Variants in BRD4 observed in about 807,000 individuals in gnomAD.
BRD4 encodes bromodomain containing 4.
In BRD4, 16 loss-of-function variants were observed where a neutral mutation model predicts 142.1. The ratio of observed to expected loss-of-function variants is 0.11; its 90% confidence interval spans 0.08 to 0.17. The LOEUF (loss-of-function observed/expected upper bound fraction) is 0.17, where lower values mean the gene tolerates loss of function less well. Among genes scored for constraint, BRD4 ranks in the 10% least tolerant of loss-of-function variants. The probability of loss-of-function intolerance (pLI) is 1.00; values close to 1 mark genes in which losing one functional copy is unlikely to be tolerated. For missense variants in BRD4, 1,424 were observed against 1,810.9 expected (o/e 0.79, Z 3.88); for synonymous variants, 833 against 707.5 (o/e 1.18, Z -2.82).
chr19:15,310,112 G>C (rs1040620348), intron 1 of BRD4, among the ~76,000 whole-genome samples: 1 of 151,648 alleles, frequency 6.6e-6, no homozygotes, highest in African/African-American at 2.4e-5. Context: ...ACTTGCTGTG[G>C]AAATCATTGT....
At chr19:15,275,291 C>T (rs939857316) in intron 1 of BRD4, among the ~76,000 whole-genome samples, 3 of 152,238 alleles carry the variant, frequency 2.0e-5, no homozygotes, top group Non-Finnish European at 2.9e-5. Context: ...AGCCAGCTCA[C>T]AAGTGATGCA....
At chr19:15,326,228 C>T (rs541174774) in intron 1 of BRD4, among the ~76,000 whole-genome samples, 3 of 150,074 alleles carry the variant, frequency 2.0e-5, no homozygotes, top group African/African-American at 4.9e-5. Context: ...TTTGGGACGC[C>T]GAGGTAGGCA....
intron 7 of BRD4, 42 bp downstream of exon 7, chr19:15,263,378 A>G (rs971221226): frequency 6.3e-7 from 1 of 1,599,476 alleles, no homozygotes; most frequent in African/African-American, 1.3e-5. Context: ...CGAGGACCTC[A>G]GCCTGCTCTG....
chr19:15,269,051 C>T lies in BRD4; in HGVS notation c.286-9G>A. 6 of 1,613,674 alleles carry T rather than the reference C, an allele frequency of 3.7e-6. No individual in the cohort carries two copies. The highest frequency in any genetic ancestry group is 5.1e-6 in the Non-Finnish European group (6 of 1,179,826). On this transcript the variant is annotated splice_polypyrimidine_tract_variant and intron_variant, in intron 2 of 19. Coordinates refer to ENST00000679869, the MANE Select transcript of BRD4 (RefSeq NM_001379291.1). ...ATGATCTTATAGTAATCCTGGAGAG[C>T]AGAGAGCAAAAGTCCAGTGTCACCT... is the stretch of plus-strand genomic sequence containing the variant.
chr19:15,270,543 A>G (rs1199668076), intron 2 of BRD4, among the ~76,000 whole-genome samples: 2 of 152,176 alleles, frequency 1.3e-5, no homozygotes, highest in African/African-American at 4.8e-5. Flanking sequence ...AGGCCACTGA[A>G]TTGGCCACAG....
At chr19:15,313,633 G>A (rs535957564) in intron 1 of BRD4, among the ~76,000 whole-genome samples, 1 of 146,810 alleles carries the variant, frequency 6.8e-6, no homozygotes, top group East Asian at 2.0e-4. Flanking sequence ...CCGAGATTGC[G>A]CACTGCACTC....
rs1034153380 is a variant in BRD4, at chr19:15,237,979, A to G, written c.*398T>C. ...GGGAAAGACTCCCGGCGGGCAGGAC[A>G]TCACGAACGTCACGTTCTTGGGGAC... is the stretch of plus-strand genomic sequence containing the variant. On this transcript the variant is annotated 3_prime_UTR_variant, in exon 20 of 20. Transcript: ENST00000679869. The G allele has an allele frequency of 8.2e-6, 2 of 245,358 alleles. No individual in the cohort carries two copies. The highest frequency in any genetic ancestry group is 4.4e-5 in the African/African-American group (2 of 45,498). The allele number at this position is 245,358 out of a possible 1,614,324, so 15.2% of individuals were successfully genotyped here. A position where few individuals can be genotyped will look rare whatever the true frequency, so the allele number is the denominator to read the frequency against.
intron 7 of BRD4, among the ~76,000 whole-genome samples, chr19:15,257,890 C>A (rs896594758): frequency 7.2e-5 from 11 of 152,156 alleles, no homozygotes; most frequent in African/African-American, 2.7e-4. Flanking sequence ...ACCTTTCAAC[C>A]CTAAGATCCA....
rs748141481 is a variant in BRD4 at position 15,238,894 on chromosome 19, CGCTGCT to C, written c.3863_3868del (p.Gln1288_Gln1289del). 3.1e-6 allele frequency: 5 copies of C among 1,595,166 alleles called. No individual in the cohort carries two copies. Among genetic ancestry groups the C allele is most frequent in the Admixed American group, 1.7e-5 (1 of 57,902 alleles). On this transcript the variant is annotated inframe_deletion, in exon 19 of 20. Transcript: ENST00000679869. This position sits in a 1 kb window ranked among gnomAD's most constrained non-coding sequence, Gnocchi z 7.2. ...TTGCTGCTGCTGCTGTTGCTCCTGG[CGCTGCT>C]GCTGCTGCTGCTCCTGGCGCCGACG...
At chr19:15,243,605 C>A in intron 13 of BRD4, 118 bp from the exon 14 acceptor site, 1 of 1,393,850 alleles carries the variant, frequency 7.2e-7, no homozygotes, top group Non-Finnish European at 9.3e-7. Context: ...CTCCCTCAAA[C>A]TGGCACTCCC....
intron 1 of BRD4, among the ~76,000 whole-genome samples, chr19:15,306,725 TAGTC>T (rs1273281191): frequency 7.3e-4 from 111 of 152,246 alleles, no homozygotes; most frequent in African/African-American, 2.2e-3. Flanking sequence ...AGATGGGAAA[TAGTC>T]AGTAGCTGGA....
intron 11 of BRD4, among the ~76,000 whole-genome samples, chr19:15,245,836 C>T (rs2047281018): frequency 6.6e-6 from 1 of 152,218 alleles, no homozygotes; most frequent in Non-Finnish European, 1.5e-5. Flanking sequence ...TTCGCCTGAG[C>T]TCCTTGTCAG....
At chr19:15,263,812 G>A (rs2145596648) in intron 6 of BRD4, among the ~76,000 whole-genome samples, 1 of 152,310 alleles carries the variant, frequency 6.6e-6, no homozygotes, top group South Asian at 2.1e-4. Flanking sequence ...AGCCAGAAAT[G>A]ACGGGGAGAA....
chr19:15,292,777 C>CAAAAAAA (rs57341445), intron 1 of BRD4, among the ~76,000 whole-genome samples: 123 of 57,252 alleles, frequency 2.1e-3, no homozygotes, highest in Non-Finnish European at 3.0e-3. Context: ...GACTCCGTCT[C>CAAAAAAA]AAAAAAAAAA....
intron 7 of BRD4, among the ~76,000 whole-genome samples, chr19:15,259,778 AAGG>A (rs1276283553): frequency 3.3e-5 from 5 of 152,216 alleles, no homozygotes; most frequent in African/African-American, 1.2e-4. Context: ...CTCCCTGTTC[AAGG>A]AGCTCAGTCT....
At chr19:15,308,114 T>TAA (rs1179448122) in intron 1 of BRD4, among the ~76,000 whole-genome samples, 3 of 23,352 alleles carry the variant, frequency 1.3e-4, no homozygotes, top group Non-Finnish European at 1.9e-4. Flanking sequence ...AGACTCCGTC[T>TAA]CAAAAAAAAA....
intron 1 of BRD4, among the ~76,000 whole-genome samples, chr19:15,286,060 GA>G (rs2047737710): frequency 6.6e-6 from 1 of 152,142 alleles, no homozygotes; most frequent in African/African-American, 2.4e-5. Flanking sequence ...CCACCTCAAG[GA>G]GGTGCCCCAT....
At chr19:15,283,759 G>A (rs1026996810) in intron 1 of BRD4, among the ~76,000 whole-genome samples, 3 of 152,174 alleles carry the variant, frequency 2.0e-5, no homozygotes, top group Admixed American at 6.5e-5. Context: ...AGTGTATCAC[G>A]CCTCTTAAGT....
At chr19:15,282,746 C>G (rs1191012457) in intron 1 of BRD4, among the ~76,000 whole-genome samples, 1 of 152,154 alleles carries the variant, frequency 6.6e-6, no homozygotes, top group Non-Finnish European at 1.5e-5. Flanking sequence ...CACTTTACAC[C>G]TTTTCAGCTA....
Sources: gnomAD v4.1 joint callset for allele counts (sites outside exome capture counted in the v4.1 genomes callset) on GRCh38, gnomAD v4.1.1 for gene constraint, Gnocchi (gnomAD v3.1) non-coding constraint, MANE v1.5 for transcripts, NCBI Gene and HGNC (gene_info 2026-07-23, HGNC 2026-07-21) for gene names.